The following DYNLT2 variants were observed in gnomAD, a reference collection of about 807,000 sequenced individuals.
DYNLT2 encodes the protein dynein light chain Tctex-type 2.
DYNLT2 carries 24 observed loss-of-function variants against 24.3 expected under a neutral mutation model. The observed-to-expected ratio is 0.99, with a 90% CI of 0.71 to 1.39. The LOEUF (loss-of-function observed/expected upper bound fraction) is 1.39, where lower values mean the gene tolerates loss of function less well. DYNLT2 is among the 40% of genes most tolerant of loss of function. The pLI is 0.00. For missense variants in DYNLT2, 246 were observed against 234.5 expected (o/e 1.05, Z -0.32); for synonymous variants, 85 against 85.4 (o/e 1.00, Z 0.03).
intron 1 of DYNLT2, chr6:169,749,604 T>C (rs1446239628): frequency 6.6e-6 from 1 of 152,374 alleles, no homozygotes; most frequent in East Asian, 1.9e-4. Context: ...GGGAACACTT[T>C]AGCTTCTCAT....
chr6:169,732,447 AC>A, the DYNLT2 span, among the ~76,000 whole-genome samples: 1 of 151,306 alleles, frequency 6.6e-6, no homozygotes, highest in East Asian at 1.9e-4. Flanking sequence ...CTCCACTCTC[AC>A]CCCCAACAGG....
the DYNLT2 span, among the ~76,000 whole-genome samples, chr6:169,731,939 A>C: frequency 6.6e-6 from 1 of 152,210 alleles, no homozygotes; most frequent in Non-Finnish European, 1.5e-5. Flanking sequence ...CTTAGGAAAA[A>C]GGTATAATTC....
At chr6:169,745,942 T>C (rs1410894351) in intron 1 of DYNLT2, among the ~76,000 whole-genome samples, 1 of 152,254 alleles carries the variant, frequency 6.6e-6, no homozygotes, top group Non-Finnish European at 1.5e-5. Flanking sequence ...GATTCAAGTT[T>C]TAAAAACAGA....
At chr6:169,726,325 G>A in the DYNLT2 span, among the ~76,000 whole-genome samples, 1 of 151,538 alleles carries the variant, frequency 6.6e-6, no homozygotes, top group Non-Finnish European at 1.5e-5. Flanking sequence ...AAAAAAAAAT[G>A]GAGTTTACTA....
At chr6:169,746,616 T>A (rs534798069) in intron 1 of DYNLT2, among the ~76,000 whole-genome samples, 1 of 152,288 alleles carries the variant, frequency 6.6e-6, no homozygotes, top group African/African-American at 2.4e-5. Context: ...TAAATTGTGA[T>A]AATTCCAACA....
Position 169,740,280 on chromosome 6 carries a change from T to C in DYNLT2, c.502A>G (p.Ile168Val). The change falls in exon 4 of 4, where the codon ATC becomes GTC. Residue 168 changes from isoleucine (I) to valine (V), a missense_variant. By Grantham distance (29) the Ile-to-Val change is conservative. Transcript: ENST00000366774. ...GQAINIASRWIWDIAWDSWVA... is the reference protein window; with the variant it reads ...GQAINIASRWVWDIAWDSWVA... ...CAGCTGTCCCATGCAATGTCCCAGATCCATCTGCTGGCAATCTGTGAGAGA... is the reference window on the plus strand; with the variant it reads ...CAGCTGTCCCATGCAATGTCCCAGACCCATCTGCTGGCAATCTGTGAGAGA... The C allele has an allele frequency of 6.2e-7, 1 of 1,613,412 alleles. No individual in the cohort carries two copies. Among genetic ancestry groups the C allele is most frequent in the Non-Finnish European group, 8.5e-7 (1 of 1,179,382 alleles).
chr6:169,745,040 A>G (rs1789763730), intron 1 of DYNLT2, among the ~76,000 whole-genome samples: 2 of 152,060 alleles, frequency 1.3e-5, no homozygotes, highest in African/African-American at 4.8e-5. Context: ...CTAATATTAC[A>G]GGAAAAGCTT....
At position 169,743,070 on chromosome 6, in the gene DYNLT2, G is replaced by C; in HGVS notation, c.486+10C>G. On this transcript the variant is annotated intron_variant, in intron 3 of 3. Coordinates refer to ENST00000366774, the MANE Select transcript of DYNLT2 (RefSeq NM_174910.3). ...CTAATTGCTAGATCCTGTATCAATG[G>C]GGTACTTACATTTATTGCTTGGCCA... 1 of 1,521,168 alleles carries C rather than the reference G, an allele frequency of 6.6e-7. No individual in the cohort carries two copies. The highest frequency in any genetic ancestry group is 8.9e-7 in the Non-Finnish European group (1 of 1,123,922). 94.2% of individuals were successfully genotyped at this position (1,521,168 alleles called of 1,614,324 possible).
At chr6:169,734,798 T>C in the DYNLT2 span, among the ~76,000 whole-genome samples, 18 of 152,178 alleles carry the variant, frequency 1.2e-4, no homozygotes, top group Non-Finnish European at 1.5e-5. Context: ...CGATGCTGGC[T>C]TCATAAAATG....
the DYNLT2 span, among the ~76,000 whole-genome samples, chr6:169,730,025 T>C: frequency 0.18 from 26,766 of 152,272 alleles, 2,883 homozygotes; most frequent in East Asian, 0.29. Flanking sequence ...TAGCTGTGAA[T>C]TTTCTTCTTT....
intron 1 of DYNLT2, among the ~76,000 whole-genome samples, chr6:169,748,604 T>C (rs915614427): frequency 6.6e-6 from 1 of 152,214 alleles, no homozygotes; most frequent in Admixed American, 6.5e-5. Context: ...GCAGCATTAT[T>C]AGCTCCCTAA....
Position 169,743,175 on chromosome 6 carries a change from C to A in DYNLT2, c.391G>T (p.Asp131Tyr). ...VFSHLSLELA[D>Y]RILLAVKEFG... ...TCTTTGACTGCTAACAGTATGCGGT[C>A]TGCCAATTCAAGTGACAAGTGAGAG... The change falls in exon 3 of 4, where the codon GAC (aspartate) becomes TAC (tyrosine). Residue 131 changes from aspartate to tyrosine, a missense_variant. Transcript: ENST00000366774. The A allele has an allele frequency of 6.4e-7, 1 of 1,573,072 alleles. No homozygotes were observed. The highest frequency in any genetic ancestry group is 1.2e-5 in the South Asian group (1 of 84,940).
chr6:169,751,401 G>C lies in DYNLT2; in HGVS notation c.58C>G (p.Pro20Ala), dbSNP rs1381392714. 2 of 1,613,992 alleles carry C rather than the reference G, an allele frequency of 1.2e-6. No homozygotes were observed. The highest frequency in any genetic ancestry group is 1.7e-6 in the Non-Finnish European group (2 of 1,180,026). ...CTAGGCGTCACCGGAGCCTGCTGAG[G>C]GGTCTGGTTCGGGGTCTGGATGGGG... ...SSPIQTPNQTPQQAPVTPRKE... is the reference protein window; with the variant it reads ...SSPIQTPNQTAQQAPVTPRKE... Residue 20 changes from proline to alanine, a missense_variant, in exon 1 of 4, where the codon CCT becomes GCT. Transcript: ENST00000366774.
At chr6:169,738,064 C>G (rs1789598143), downstream of DYNLT2, among the ~76,000 whole-genome samples, 1 of 152,160 alleles carries the variant, frequency 6.6e-6, no homozygotes, top group South Asian at 2.1e-4. Context: ...AGAGTTAGAC[C>G]TGAAGAGGCA....
the DYNLT2 span, among the ~76,000 whole-genome samples, chr6:169,732,118 C>A: frequency 5.2e-3 from 787 of 152,110 alleles, 10 homozygotes; most frequent in African/African-American, 0.018. Context: ...ATCAATAGCT[C>A]CTTTTAAAGA....
At chr6:169,736,916 T>C (rs1037694611), downstream of DYNLT2, among the ~76,000 whole-genome samples, 1 of 152,222 alleles carries the variant, frequency 6.6e-6, no homozygotes, top group African/African-American at 2.4e-5. Flanking sequence ...GTTTTCTAGC[T>C]TGTTTCCATT....
the DYNLT2 span, among the ~76,000 whole-genome samples, chr6:169,727,402 G>A: frequency 1.6e-4 from 25 of 152,246 alleles, no homozygotes; most frequent in African/African-American, 6.0e-4. Flanking sequence ...TGAGCAGAGA[G>A]AGGAAATGCT....
intron 1 of DYNLT2, chr6:169,750,549 T>C (rs1380128538): frequency 6.6e-6 from 1 of 152,238 alleles, no homozygotes; most frequent in African/African-American, 2.4e-5. Flanking sequence ...GTCATCTCTA[T>C]CTTCATCCTA....
chr6:169,727,741 T>A, the DYNLT2 span, among the ~76,000 whole-genome samples: 1 of 152,050 alleles, frequency 6.6e-6, no homozygotes, highest in Non-Finnish European at 1.5e-5. Flanking sequence ...TTTTTTGTAT[T>A]TTTAGTAGAG....
Sources: gnomAD v4.1 joint callset for allele counts (sites outside exome capture counted in the v4.1 genomes callset) on GRCh38, gnomAD v4.1.1 for gene constraint, MANE v1.5 for transcripts, NCBI Gene and HGNC (gene_info 2026-07-23, HGNC 2026-07-21) for gene names.